TET3: variants seen among roughly 807,000 people sequenced by gnomAD.
TET3 encodes the protein methylcytosine dioxygenase TET3.
TET3 carries 19 observed loss-of-function variants against 141.4 expected under a neutral mutation model. The observed-to-expected ratio is 0.13, with a 90% confidence interval of 0.09 to 0.20. The LOEUF is 0.20. TET3 is among the 10% of genes least tolerant of loss of function. TET3 has a pLI of 1.00. For missense variants in TET3, 1,874 were observed against 2,356.9 expected, an observed-to-expected ratio of 0.80 and a Z score of 4.24; for synonymous variants, 1,043 against 980.9, an observed-to-expected ratio of 1.06 and a Z score of -1.18.
chr2:73,995,952 G>T (rs572183796), intron 2 of TET3, among the ~76,000 whole-genome samples: 8 of 152,094 alleles, frequency 5.3e-5, no homozygotes, highest in Non-Finnish European at 1.0e-4. Flanking sequence ...GTCGCTATGG[G>T]AGAGCACAGG....
At chr2:74,089,132 G>A (rs571484955) in intron 7 of TET3, among the ~76,000 whole-genome samples, 57 of 142,060 alleles carry the variant, frequency 4.0e-4, no homozygotes, top group African/African-American at 1.4e-3. Context: ...TCTTCCCCCC[G>A]AAGTGCCCCA....
intron 8 of TET3, 24 bp from the exon 9 acceptor site, chr2:74,092,878 G>T (rs747943383): frequency 8.3e-6 from 13 of 1,566,692 alleles, no homozygotes; most frequent in Non-Finnish European, 1.1e-5. Context: ...TGCTCTGGAT[G>T]TGTGACTGCC....
At chr2:74,062,702 G>C (rs1688661160) in intron 4 of TET3, among the ~76,000 whole-genome samples, 1 of 151,956 alleles carries the variant, frequency 6.6e-6, no homozygotes, top group Non-Finnish European at 1.5e-5. Context: ...CACTAAACAT[G>C]GAAAACATAA....
intron 2 of TET3, among the ~76,000 whole-genome samples, chr2:73,995,303 ATCTT>A (rs1268626237): frequency 6.6e-6 from 1 of 152,226 alleles, no homozygotes; most frequent in African/African-American, 2.4e-5. Flanking sequence ...AGAGGCATCT[ATCTT>A]AGACTGCAGT....
chr2:74,131,568 C>T, the TET3 span, among the ~76,000 whole-genome samples: 1 of 152,174 alleles, frequency 6.6e-6, no homozygotes, highest in Non-Finnish European at 1.5e-5. Flanking sequence ...CTGAGGGGCA[C>T]TACAGGAACC....
chr2:74,111,307 T>C (rs1314030941), downstream of TET3, among the ~76,000 whole-genome samples: 3 of 152,186 alleles, frequency 2.0e-5, no homozygotes, highest in Admixed American at 2.0e-4. Flanking sequence ...TCCAAAGCCA[T>C]GTCTAGCCTC....
At position 74,093,089 on chromosome 2, in the gene TET3, CT is replaced by C; in HGVS notation, c.3129+100del. On this transcript the variant is annotated intron_variant, in intron 9 of 11. Coordinates refer to ENST00000409262, the MANE Select transcript of TET3 (RefSeq NM_001287491.2). This position sits in a 1 kb window ranked among gnomAD's most constrained non-coding sequence, Gnocchi z 4.2. ...GTGGGAGAGTGGGCTCTTTTACTCT[CT>C]TATGGGAAGAGCCTAGTCCAGAAGT... 1 of 1,129,520 alleles carries C rather than the reference CT, an allele frequency of 8.9e-7. No homozygotes were observed. Among genetic ancestry groups the C allele is most frequent in the Non-Finnish European group, 1.3e-6 (1 of 775,996 alleles). 70.0% of individuals were successfully genotyped at this position (1,129,520 alleles called of 1,614,324 possible).
chr2:74,088,158 C>T, intron 7 of TET3, 120 bp downstream of exon 7: 3 of 1,036,074 alleles, frequency 2.9e-6, no homozygotes, highest in Non-Finnish European at 4.2e-6. Flanking sequence ...CACTGTTTGT[C>T]CTGCACAGTT....
chr2:74,041,216 CTT>C (rs745525038), intron 3 of TET3, among the ~76,000 whole-genome samples: 3 of 152,196 alleles, frequency 2.0e-5, no homozygotes, highest in Non-Finnish European at 4.4e-5. Flanking sequence ...TTTTCTCTCT[CTT>C]TACCCATTTT....
chr2:74,084,084 C>T (rs918801310), intron 6 of TET3, among the ~76,000 whole-genome samples: 22 of 152,210 alleles, frequency 1.4e-4, no homozygotes, highest in Non-Finnish European at 3.1e-4. Flanking sequence ...CCAAAATACA[C>T]ATATCAAAAG....
Position 74,073,496 on chromosome 2 carries a change from T to C in TET3, c.2495-53T>C, listed in dbSNP as rs144795080. ...CCTGTTGGTGGTTTGCTTTTCTAAATTAATATTGACTAATTGATATTCCAA... is the reference window on the plus strand; with the variant it reads ...CCTGTTGGTGGTTTGCTTTTCTAAACTAATATTGACTAATTGATATTCCAA... On this transcript the variant is annotated intron_variant, in intron 4 of 11. Coordinates refer to ENST00000409262, the MANE Select transcript of TET3 (RefSeq NM_001287491.2). 256 of 1,402,680 alleles carry C rather than the reference T, an allele frequency of 1.8e-4. 1 individual carries two copies. In the African/African-American group the frequency reaches 2.8e-3, roughly 16 times the overall value. 86.9% of individuals were successfully genotyped at this position (1,402,680 alleles called of 1,614,324 possible).
Position 74,047,732 on chromosome 2 carries a change from G to C in TET3, c.1815G>C (p.Lys605Asn). 6.2e-7 allele frequency: 1 copy of C among 1,613,696 alleles called. No individual in the cohort carries two copies. The highest frequency in any genetic ancestry group is 8.5e-7 in the Non-Finnish European group (1 of 1,179,774). ...AAPGIKPSVRKPIQIKKSRPR... is the reference protein window; with the variant it reads ...AAPGIKPSVRNPIQIKKSRPR... Reference sequence around the variant, plus strand: ...CTGGGATCAAGCCCAGTGTCCGAAAGCCCATTCAGATCAAGAAGTCCAGGC... The same window carrying C: ...CTGGGATCAAGCCCAGTGTCCGAAACCCCATTCAGATCAAGAAGTCCAGGC... The change falls in exon 4 of 12, where the codon AAG becomes AAC. Residue 605 changes from lysine to asparagine, a missense_variant. Lys to Asn is a moderately conservative substitution (Grantham distance 94). Coordinates refer to ENST00000409262, the MANE Select transcript of TET3 (RefSeq NM_001287491.2).
chr2:74,018,618 C>T (rs1184576455), intron 3 of TET3, among the ~76,000 whole-genome samples: 1 of 152,122 alleles, frequency 6.6e-6, no homozygotes, highest in Non-Finnish European at 1.5e-5. Flanking sequence ...CATAAGTACT[C>T]TTACAGTCAT....
rs1240585771 is a variant in TET3, at chr2:74,046,564, T to G, written c.647T>G (p.Leu216Arg). 1 of 1,613,996 alleles carries G rather than the reference T, an allele frequency of 6.2e-7. No homozygotes were observed. Among genetic ancestry groups the G allele is most frequent in the Admixed American group, 1.7e-5 (1 of 60,024 alleles). The change falls in exon 4 of 12, where the codon CTT becomes CGT. Residue 216 changes from leucine to arginine, a missense_variant. Physicochemically the swap from Leu to Arg is moderately radical, Grantham distance 102. Transcript: ENST00000409262. The surrounding 1 kb of genome is among the most constrained non-coding windows in gnomAD (Gnocchi z 4.3). Reference sequence around the variant, plus strand: ...GAAGCTGTGTCCTCTTATGGGGCCCTTAGCACCCGGCTCTATGAAACCTTC... The same window carrying G: ...GAAGCTGTGTCCTCTTATGGGGCCCGTAGCACCCGGCTCTATGAAACCTTC... ...VAEAVSSYGA[L>R]STRLYETFNR...
At chr2:74,001,916 G>T (rs983466124) in intron 2 of TET3, among the ~76,000 whole-genome samples, 1 of 152,112 alleles carries the variant, frequency 6.6e-6, no homozygotes, top group Non-Finnish European at 1.5e-5. Context: ...CCATTGTGGG[G>T]TGTTGGTGGG....
chr2:74,018,782 G>T, intron 3 of TET3, among the ~76,000 whole-genome samples: 1 of 145,100 alleles, frequency 6.9e-6, no homozygotes, highest in Non-Finnish European at 1.5e-5. Context: ...CTCCAAATAA[G>T]CTTATAAACA....
At chr2:73,988,381 T>A (rs1385890379) in intron 2 of TET3, among the ~76,000 whole-genome samples, 1 of 152,168 alleles carries the variant, frequency 6.6e-6, no homozygotes, top group Admixed American at 6.5e-5. Context: ...ACGGGAGGAA[T>A]GAGGATGCTG....
intron 4 of TET3, among the ~76,000 whole-genome samples, chr2:74,060,177 A>G (rs1454760057): frequency 6.6e-6 from 1 of 152,214 alleles, no homozygotes; most frequent in Non-Finnish European, 1.5e-5. Flanking sequence ...AGTCTTTGCC[A>G]TTGTGGTAGA....
intron 3 of TET3, among the ~76,000 whole-genome samples, chr2:74,015,495 A>G (rs1327143235): frequency 6.6e-6 from 1 of 152,192 alleles, no homozygotes; most frequent in Admixed American, 6.5e-5. Flanking sequence ...TTTGTACCCT[A>G]CTTATTTTTG....
Sources: gnomAD v4.1 joint callset for allele counts (sites outside exome capture counted in the v4.1 genomes callset) on GRCh38, gnomAD v4.1.1 for gene constraint, Gnocchi (gnomAD v3.1) non-coding constraint, MANE v1.5 for transcripts, NCBI Gene and HGNC (gene_info 2026-07-23, HGNC 2026-07-21) for gene names.